Variants in CORIN observed in about 807,000 individuals in gnomAD.
The protein encoded by CORIN is atrial natriuretic peptide-converting enzyme.
In CORIN, 117 loss-of-function variants were observed where a neutral mutation model predicts 125.3. The observed-to-expected ratio is 0.93, with a 90% confidence interval of 0.80 to 1.09. CORIN has a LOEUF of 1.09. Ranked by LOEUF, CORIN falls within the 50% of genes least tolerant of loss-of-function variation. The pLI, the probability that CORIN is intolerant of heterozygous loss-of-function variation, is 0.00. For synonymous variants in CORIN, 450 were observed against 466.4 expected (o/e 0.96, Z 0.45); for missense variants, 1,253 against 1,306.7 (o/e 0.96, Z 0.63).
chr4:47,674,406 A>G lies in CORIN; in HGVS notation c.1344T>C (p.Ser448=), dbSNP rs1724915940. Residue 448 remains serine, a synonymous_variant, in exon 10 of 22, where the codon AGT becomes AGC. Coordinates refer to ENST00000273857, the MANE Select transcript of CORIN (RefSeq NM_006587.4). Reference sequence around the variant, plus strand: ...TGTTGTACTTACTACAGTTATTCAGACTGTTGTTCGGGTCACAGAGAGAGC... The same window carrying G: ...TGTTGTACTTACTACAGTTATTCAGGCTGTTGTTCGGGTCACAGAGAGAGC... ...GGSSLCDPNN[S]LNNCSQCEPI... 2 of 1,611,376 alleles carry G rather than the reference A, an allele frequency of 1.2e-6. No individual in the cohort carries two copies. Among genetic ancestry groups the G allele is most frequent in the South Asian group, 2.2e-5 (2 of 91,000 alleles).
At chr4:47,732,411 T>C (rs557095694) in intron 5 of CORIN, among the ~76,000 whole-genome samples, 1 of 152,252 alleles carries the variant, frequency 6.6e-6, no homozygotes, top group Admixed American at 6.5e-5. Flanking sequence ...CTGTAACAGA[T>C]ACTGTCAGTT....
chr4:47,706,099 C>A (rs999743323), intron 5 of CORIN, among the ~76,000 whole-genome samples: 1 of 152,144 alleles, frequency 6.6e-6, no homozygotes, highest in Non-Finnish European at 1.5e-5. Flanking sequence ...GCTTTTTATA[C>A]ATTTTTACTA....
chr4:47,698,198 T>G (rs950126652), intron 5 of CORIN, among the ~76,000 whole-genome samples: 1 of 151,984 alleles, frequency 6.6e-6, no homozygotes, highest in African/African-American at 2.4e-5. Context: ...AAGATGTTAA[T>G]AAATGCTATG....
intron 16 of CORIN, among the ~76,000 whole-genome samples, chr4:47,637,804 G>A (rs991195505): frequency 6.6e-6 from 1 of 152,186 alleles, no homozygotes; most frequent in African/African-American, 2.4e-5. Flanking sequence ...TGGAGTCAGA[G>A]ACCCCCACAA....
At chr4:47,638,983 G>A (rs564725675) in intron 16 of CORIN, among the ~76,000 whole-genome samples, 31 of 152,290 alleles carry the variant, frequency 2.0e-4, no homozygotes, top group African/African-American at 7.0e-4. Context: ...AACATCCTAA[G>A]TGCAGGTGTT....
At chr4:47,713,081 T>G (rs1478615237) in intron 5 of CORIN, among the ~76,000 whole-genome samples, 1 of 151,962 alleles carries the variant, frequency 6.6e-6, no homozygotes, top group African/African-American at 2.4e-5. Flanking sequence ...CTGAAAAAAA[T>G]TAGAAGAATA....
chr4:47,691,530 C>T (rs1209350821), intron 6 of CORIN, among the ~76,000 whole-genome samples: 1 of 151,986 alleles, frequency 6.6e-6, no homozygotes, highest in East Asian at 1.9e-4. Flanking sequence ...AATTGAAGTT[C>T]CACGGGATGC....
intron 5 of CORIN, among the ~76,000 whole-genome samples, chr4:47,710,629 G>A (rs1025403016): frequency 2.1e-4 from 32 of 152,184 alleles, no homozygotes; most frequent in African/African-American, 6.0e-4. Flanking sequence ...GTCCTTGGCC[G>A]CTGCTACCAT....
intron 1 of CORIN, among the ~76,000 whole-genome samples, chr4:47,812,217 G>T (rs1732094249): frequency 6.6e-6 from 1 of 152,114 alleles, no homozygotes; most frequent in Admixed American, 6.6e-5. Flanking sequence ...TATATATGTG[G>T]CTGGGCACAA....
chr4:47,809,658 G>A lies in CORIN; in HGVS notation c.64-2611C>T, dbSNP rs185441254. ...CCTGACCCCGTGATCCACCCGCCTC[G>A]GCCTCCTAAAGTGCTGGGATCACAG... On this transcript the variant is annotated intron_variant, in intron 1 of 21. Coordinates refer to ENST00000273857, the MANE Select transcript of CORIN (RefSeq NM_006587.4). 6.8e-4 allele frequency among the ~76,000 whole-genome samples: 104 copies of A among 152,010 alleles called. No individual in the cohort carries two copies. In the East Asian group the frequency reaches 0.011, roughly 16 times the overall value.
intron 1 of CORIN, among the ~76,000 whole-genome samples, chr4:47,834,510 T>C (rs1363808279): frequency 6.6e-6 from 1 of 152,128 alleles, no homozygotes; most frequent in Non-Finnish European, 1.5e-5. Flanking sequence ...GATAAATAAG[T>C]CCTAGAAATC....
intron 1 of CORIN, among the ~76,000 whole-genome samples, chr4:47,810,815 C>G (rs929549637): frequency 9.2e-5 from 14 of 152,158 alleles, no homozygotes; most frequent in Admixed American, 3.9e-4. Flanking sequence ...TAGATCTTTC[C>G]TCTGATCTCC....
At chr4:47,718,022 G>A (rs571620380) in intron 5 of CORIN, among the ~76,000 whole-genome samples, 2 of 152,254 alleles carry the variant, frequency 1.3e-5, no homozygotes, top group African/African-American at 2.4e-5. Flanking sequence ...AAGCAAATGG[G>A]CACAGTATTC....
At chr4:47,665,009 T>C (rs779198884) in intron 11 of CORIN, 23 bp downstream of exon 11, 4 of 1,525,022 alleles carry the variant, frequency 2.6e-6, no homozygotes, top group Non-Finnish European at 1.8e-6. Context: ...AATAAGGGAC[T>C]GGGGTAGATC....
chr4:47,731,218 T>C (rs1419987376), intron 5 of CORIN, among the ~76,000 whole-genome samples: 1 of 152,244 alleles, frequency 6.6e-6, no homozygotes, highest in African/African-American at 2.4e-5. Context: ...AGATTGGTTT[T>C]GTATCTGTTT....
intron 9 of CORIN, among the ~76,000 whole-genome samples, chr4:47,677,000 T>C (rs530216833): frequency 5.9e-5 from 9 of 152,234 alleles, no homozygotes; most frequent in Non-Finnish European, 1.3e-4. Flanking sequence ...CATTTTTCCA[T>C]TAAAGTTATT....
chr4:47,619,602 T>G (rs1226050542), intron 19 of CORIN, among the ~76,000 whole-genome samples: 4 of 152,250 alleles, frequency 2.6e-5, no homozygotes, highest in Non-Finnish European at 5.9e-5. Context: ...TCATGAAACT[T>G]ACCAAGGCCT....
intron 1 of CORIN, among the ~76,000 whole-genome samples, chr4:47,809,908 G>C (rs1365528884): frequency 6.6e-6 from 1 of 152,172 alleles, no homozygotes; most frequent in East Asian, 1.9e-4. Flanking sequence ...TCACTGTTGA[G>C]TAAATGCCAG....
rs983250770 is a variant in CORIN, at chr4:47,722,387, C to T, written c.799+22015G>A. On this transcript the variant is annotated intron_variant, in intron 5 of 21. Transcript: ENST00000273857. Reference sequence around the variant, plus strand: ...CATGCAGGATAACGTCCTTTCTTACCGCCCTTTTCGCAATGTTCCTTTTTT... The same window carrying T: ...CATGCAGGATAACGTCCTTTCTTACTGCCCTTTTCGCAATGTTCCTTTTTT... 7.2e-5 allele frequency among the ~76,000 whole-genome samples: 11 copies of T among 152,164 alleles called. 1 individual carries two copies. Among genetic ancestry groups the T allele is most frequent in the Non-Finnish European group, 1.3e-4 (9 of 68,020 alleles).
Sources: gnomAD v4.1 joint callset for allele counts (sites outside exome capture counted in the v4.1 genomes callset) on GRCh38, gnomAD v4.1.1 for gene constraint, MANE v1.5 for transcripts, NCBI Gene and HGNC (gene_info 2026-07-23, HGNC 2026-07-21) for gene names.